The following LHFPL3 variants were observed in gnomAD, a reference collection of about 807,000 sequenced individuals.
LHFPL3 encodes LHFPL tetraspan subfamily member 3, also known as LHFPL tetraspan subfamily member 3 protein.
A neutral mutation model predicts 19.3 loss-of-function variants in LHFPL3; 5 were observed. That is an observed-to-expected ratio of 0.26 (90% CI 0.14 to 0.54). The LOEUF is 0.54. LHFPL3 is among the 20% of genes least tolerant of loss of function. The probability of loss-of-function intolerance (pLI) is 0.94; values close to 1 mark genes in which losing one functional copy is unlikely to be tolerated. For missense variants in LHFPL3, 249 were observed against 307.4 expected, an observed-to-expected ratio of 0.81 and a Z score of 1.42; for synonymous variants, 133 against 126.2, an observed-to-expected ratio of 1.05 and a Z score of -0.36.
chr7:104,353,088 T>C (rs996036427), intron 1 of LHFPL3, among the ~76,000 whole-genome samples: 1 of 152,184 alleles, frequency 6.6e-6, no homozygotes, highest in African/African-American at 2.4e-5. Context: ...TTGTTTGCAA[T>C]GTATGTATAA....
intron 2 of LHFPL3, among the ~76,000 whole-genome samples, chr7:104,843,941 G>A (rs1341036556): frequency 6.6e-6 from 1 of 152,208 alleles, no homozygotes; most frequent in Non-Finnish European, 1.5e-5. Flanking sequence ...GGTGGAAAGA[G>A]TGGGATTCAA....
intron 2 of LHFPL3, among the ~76,000 whole-genome samples, chr7:104,837,951 C>T (rs1791129124): frequency 1.3e-5 from 2 of 152,194 alleles, no homozygotes; most frequent in Admixed American, 1.3e-4. Context: ...CCTTCAGAAA[C>T]TATATAAACA....
chr7:104,889,688 AG>A (rs1158729316), intron 2 of LHFPL3, among the ~76,000 whole-genome samples: 1 of 152,220 alleles, frequency 6.6e-6, no homozygotes, highest in African/African-American at 2.4e-5. Context: ...GCATTTTCTA[AG>A]AATGGATATT....
intron 1 of LHFPL3, among the ~76,000 whole-genome samples, chr7:104,420,628 C>T (rs1380756991): frequency 1.4e-5 from 2 of 139,174 alleles, no homozygotes; most frequent in African/African-American, 2.7e-5. Context: ...GGCGCGATCT[C>T]GGCTCACTGC....
chr7:104,768,161 A>G (rs1197960672), intron 2 of LHFPL3, among the ~76,000 whole-genome samples: 1 of 149,488 alleles, frequency 6.7e-6, no homozygotes, highest in Non-Finnish European at 1.5e-5. Flanking sequence ...AAAAAAAGCA[A>G]GAACATTGCC....
chr7:104,603,113 T>C (rs1365815628), intron 1 of LHFPL3, among the ~76,000 whole-genome samples: 25 of 138,328 alleles, frequency 1.8e-4, no homozygotes, highest in African/African-American at 6.6e-4. Flanking sequence ...TTTCTTTCTT[T>C]CTTTCTTTCT....
intron 2 of LHFPL3, among the ~76,000 whole-genome samples, chr7:104,829,659 CTCA>C (rs1428951268): frequency 2.6e-5 from 4 of 151,848 alleles, no homozygotes; most frequent in Non-Finnish European, 4.4e-5. Flanking sequence ...AGGACATGAA[CTCA>C]TCATTTTTTA....
At chr7:104,878,151 A>G (rs1791984492) in intron 2 of LHFPL3, among the ~76,000 whole-genome samples, 1 of 152,126 alleles carries the variant, frequency 6.6e-6, no homozygotes, top group Non-Finnish European at 1.5e-5. Flanking sequence ...ACCATTTTTC[A>G]TAAAAGCCCA....
intron 1 of LHFPL3, among the ~76,000 whole-genome samples, chr7:104,330,492 T>C (rs1469171535): frequency 6.6e-6 from 1 of 152,168 alleles, no homozygotes; most frequent in Non-Finnish European, 1.5e-5. Flanking sequence ...TGCTGGACAA[T>C]AGCGTTAAGG....
chr7:104,869,792 G>T (rs535518131), intron 2 of LHFPL3, among the ~76,000 whole-genome samples: 9 of 152,116 alleles, frequency 5.9e-5, no homozygotes, highest in Non-Finnish European at 1.2e-4. Flanking sequence ...ACATGCACAC[G>T]TATGTTTATT....
At chr7:104,801,364 A>C (rs1488391799) in intron 2 of LHFPL3, among the ~76,000 whole-genome samples, 1 of 152,138 alleles carries the variant, frequency 6.6e-6, no homozygotes, top group Non-Finnish European at 1.5e-5. Context: ...GTGATGACAG[A>C]TAAGCTTTGC....
At chr7:104,644,775 G>A (rs1791902337) in intron 1 of LHFPL3, among the ~76,000 whole-genome samples, 2 of 151,988 alleles carry the variant, frequency 1.3e-5, no homozygotes, top group Admixed American at 1.3e-4. Flanking sequence ...CCATGTGTCT[G>A]TCATCTATCC....
intron 1 of LHFPL3, among the ~76,000 whole-genome samples, chr7:104,390,801 CA>C (rs1467512240): frequency 6.6e-6 from 1 of 152,202 alleles, no homozygotes; most frequent in Non-Finnish European, 1.5e-5. Context: ...GCCCCACCAA[CA>C]GTGTAAAAGT....
chr7:104,650,121 G>T (rs949331037), intron 1 of LHFPL3, among the ~76,000 whole-genome samples: 1 of 152,196 alleles, frequency 6.6e-6, no homozygotes, highest in South Asian at 2.1e-4. Flanking sequence ...TGGCAACTGA[G>T]AGCACAAGTC....
At chr7:104,601,419 G>T (rs183166236) in intron 1 of LHFPL3, among the ~76,000 whole-genome samples, 17 of 152,274 alleles carry the variant, frequency 1.1e-4, no homozygotes, top group Middle Eastern at 3.4e-3. Context: ...ATACAGCAAT[G>T]TTAGGTATAG....
chr7:104,420,054 C>CTTA (rs1353693767), intron 1 of LHFPL3, among the ~76,000 whole-genome samples: 2 of 152,182 alleles, frequency 1.3e-5, no homozygotes, highest in Non-Finnish European at 2.9e-5. Flanking sequence ...TGGTTCTAAC[C>CTTA]CCATGAAGAG....
At chr7:104,884,161 G>C (rs139199441) in intron 2 of LHFPL3, among the ~76,000 whole-genome samples, 61 of 152,186 alleles carry the variant, frequency 4.0e-4, no homozygotes, top group African/African-American at 1.3e-3. Flanking sequence ...CCAAGTCTTC[G>C]GTACACGCCA....
intron 1 of LHFPL3, among the ~76,000 whole-genome samples, chr7:104,376,197 C>T (rs1047386109): frequency 1.3e-5 from 2 of 152,028 alleles, no homozygotes; most frequent in African/African-American, 2.4e-5. Context: ...ATTAATTTAC[C>T]AAATCATTTA....
chr7:104,427,539 A>G (rs944860619), intron 1 of LHFPL3, among the ~76,000 whole-genome samples: 2 of 152,210 alleles, frequency 1.3e-5, no homozygotes, highest in Non-Finnish European at 2.9e-5. Flanking sequence ...TTGTGTCAAC[A>G]TGTAGTTTGA....
Sources: allele counts gnomAD v4.1 joint callset (sites outside exome capture counted in the v4.1 genomes callset), GRCh38; gene constraint gnomAD v4.1.1; transcripts MANE v1.5; gene names NCBI Gene and HGNC (gene_info 2026-07-23, HGNC 2026-07-21).